Variants in NOXRED1 observed in about 807,000 individuals in gnomAD.
NOXRED1 encodes NADP dependent oxidoreductase domain containing 1.
A neutral mutation model predicts 30.4 loss-of-function variants in NOXRED1; 20 were observed. The ratio of observed to expected loss-of-function variants is 0.66; its 90% CI spans 0.46 to 0.96. The LOEUF (loss-of-function observed/expected upper bound fraction) is 0.96. Ranked by LOEUF, NOXRED1 falls within the 40% of genes least tolerant of loss-of-function variation. The pLI is 0.00. For missense variants in NOXRED1, 374 were observed against 428.0 expected (o/e 0.87, Z 1.11); for synonymous variants, 155 against 168.0 (o/e 0.92, Z 0.60).
chr14:77,410,104 G>T (rs1894607330), intron 2 of NOXRED1, among the ~76,000 whole-genome samples: 1 of 151,546 alleles, frequency 6.6e-6, no homozygotes, highest in Non-Finnish European at 1.5e-5. Context: ...TGCCCAGTTG[G>T]TAAGATTTTT....
At chr14:77,410,366 A>ACTCTATAT (rs1894618195) in intron 2 of NOXRED1, among the ~76,000 whole-genome samples, 1 of 152,134 alleles carries the variant, frequency 6.6e-6, no homozygotes, top group African/African-American at 2.4e-5. Context: ...GCACTTTGGG[A>ACTCTATAT]GGCTAAGGCA....
intron 5 of NOXRED1, among the ~76,000 whole-genome samples, chr14:77,396,815 A>C (rs896752093): frequency 5.3e-5 from 8 of 152,240 alleles, no homozygotes; most frequent in African/African-American, 1.9e-4. Flanking sequence ...TACTATATTA[A>C]TGAGTGGGAA....
intron 5 of NOXRED1, among the ~76,000 whole-genome samples, chr14:77,399,701 G>T (rs143522876): frequency 1.3e-5 from 2 of 151,916 alleles, no homozygotes; most frequent in Non-Finnish European, 2.9e-5. Context: ...AAACAAAGAC[G>T]AAAAATACAG....
At chr14:77,416,809 A>T (rs176774) in intron 1 of NOXRED1, among the ~76,000 whole-genome samples, 8 of 141,468 alleles carry the variant, frequency 5.7e-5, no homozygotes, top group African/African-American at 1.1e-4. Flanking sequence ...CCTCCCGGAC[A>T]GGGCGGCTGG....
At chr14:77,422,049 C>T (rs1895006215) in intron 1 of NOXRED1, among the ~76,000 whole-genome samples, 1 of 152,128 alleles carries the variant, frequency 6.6e-6, no homozygotes, top group South Asian at 2.1e-4. Flanking sequence ...TAAACATGTT[C>T]AATTCAAATT....
rs71452847 is a variant in NOXRED1 at position 77,406,634 on chromosome 14, CAGAGAG to C, written c.682+84_682+89del. ...ACACACACACACACACACACACACA[CAGAGAG>C]AGAGAGATTGATTTAATAAGATAGC... On this transcript the variant is annotated intron_variant, in intron 4 of 5. Transcript: ENST00000380835. 298 of 474,428 alleles carry C rather than the reference CAGAGAG, an allele frequency of 6.3e-4. 1 individual carries two copies. In the African/African-American group the frequency reaches 0.013, roughly 21 times the overall value. 29.4% of individuals were successfully genotyped at this position (474,428 alleles called of 1,614,324 possible). A position where few individuals can be genotyped will look rare whatever the true frequency, so the allele number is the denominator to read the frequency against.
At chr14:77,402,629 C>T (rs907380201) in intron 5 of NOXRED1, among the ~76,000 whole-genome samples, 3 of 151,742 alleles carry the variant, frequency 2.0e-5, no homozygotes, top group East Asian at 1.9e-4. Flanking sequence ...AGCAAACCTC[C>T]GTCTCAAAAA....
Position 77,422,843 on chromosome 14 carries a change from A to T in NOXRED1, c.47T>A (p.Val16Asp). Residue 16 changes from valine to aspartate, a missense_variant, in exon 1 of 6, where the codon GTT becomes GAT. By Grantham distance (152) the Val-to-Asp change is radical. Coordinates refer to ENST00000380835, the MANE Select transcript of NOXRED1 (RefSeq NM_001113475.3). ...CAGCCAGATACGATCTTCCTCTGGA[A>T]CCCCATACTCAAACTGCAGGGACTC... ...DLESLQFEYG[V>D]PEEDRIWLYL... 6.2e-7 allele frequency: 1 copy of T among 1,613,622 alleles called. No individual in the cohort carries two copies. Among genetic ancestry groups the T allele is most frequent in the Middle Eastern group, 1.7e-4 (1 of 6,056 alleles).
At chr14:77,425,507 G>A (rs1186145722), upstream of NOXRED1, among the ~76,000 whole-genome samples, 1 of 152,172 alleles carries the variant, frequency 6.6e-6, no homozygotes, top group African/African-American at 2.4e-5. Context: ...AATAATTTTA[G>A]TACAATCTAG....
intron 5 of NOXRED1, among the ~76,000 whole-genome samples, chr14:77,401,240 C>A (rs182192947): frequency 6.6e-6 from 1 of 151,710 alleles, no homozygotes; most frequent in South Asian, 2.1e-4. Context: ...GGCATGGTGG[C>A]GGGTGCCTGT....
At chr14:77,424,188 C>T (rs1594885156), upstream of NOXRED1, among the ~76,000 whole-genome samples, 2 of 152,210 alleles carry the variant, frequency 1.3e-5, no homozygotes, top group South Asian at 2.1e-4. Context: ...TGGTGGCTCA[C>T]GCCTGTAATC....
intron 4 of NOXRED1, 88 bp downstream of exon 4, chr14:77,406,620 CACACACACACACACAG>C (rs766112342): frequency 0.021 from 18,206 of 875,488 alleles, 265 homozygotes; most frequent in Admixed American, 0.03. Context: ...CACACACACA[CACACACACACACACAG>C]AGAGAGAGAG....
intron 2 of NOXRED1, 90 bp downstream of exon 2, chr14:77,413,844 G>T: frequency 1.2e-6 from 1 of 826,590 alleles, no homozygotes; most frequent in Non-Finnish European, 1.8e-6. Flanking sequence ...TGTATGCAAG[G>T]ATTCCTCTTT....
chr14:77,407,503 G>A lies in NOXRED1; in HGVS notation c.492C>T (p.Ser164=). The change falls in exon 3 of 6, where the codon AGC becomes AGT. Residue 164 remains serine, a synonymous_variant. Transcript: ENST00000380835. Reference sequence around the variant, plus strand: ...TGGCAGCTACAAAGCTGTACACAATGCTGGCCTTCTCAAGGCTGGTGTAAA... The same window carrying A: ...TGGCAGCTACAAAGCTGTACACAATACTGGCCTTCTCAAGGCTGGTGTAAA... ...VEIYTSLEKA[S]IVYSFVAAIP... 6.2e-7 allele frequency: 1 copy of A among 1,614,064 alleles called. No individual in the cohort carries two copies.
intron 3 of NOXRED1, 77 bp downstream of exon 3, chr14:77,407,388 G>A (rs1894496482): frequency 9.7e-7 from 1 of 1,027,490 alleles, no homozygotes; most frequent in Non-Finnish European, 1.5e-6. Flanking sequence ...AGGGGCTACA[G>A]TGGAGGTGGG....
intron 1 of NOXRED1, among the ~76,000 whole-genome samples, chr14:77,417,906 A>G (rs955614240): frequency 4.8e-5 from 7 of 144,906 alleles, no homozygotes; most frequent in African/African-American, 1.8e-4. Context: ...TTTTTTTGTA[A>G]TGACATTATT....
intron 2 of NOXRED1, among the ~76,000 whole-genome samples, chr14:77,412,877 C>T (rs1894699666): frequency 6.6e-6 from 1 of 150,960 alleles, no homozygotes; most frequent in Non-Finnish European, 1.5e-5. Flanking sequence ...AGAATACAAA[C>T]AACTGTATAC....
intron 1 of NOXRED1, among the ~76,000 whole-genome samples, chr14:77,419,808 G>C (rs1894941608): frequency 6.6e-6 from 1 of 151,906 alleles, no homozygotes; most frequent in Admixed American, 6.6e-5. Flanking sequence ...CTCCCTTCTG[G>C]CCTGTAATGT....
intron 2 of NOXRED1, among the ~76,000 whole-genome samples, chr14:77,411,774 C>T (rs986873166): frequency 6.6e-6 from 1 of 152,052 alleles, no homozygotes; most frequent in African/African-American, 2.4e-5. Context: ...ACTCTTTTAA[C>T]TGTGTGCCAT....
Sources: allele counts gnomAD v4.1 joint callset (sites outside exome capture counted in the v4.1 genomes callset), GRCh38; gene constraint gnomAD v4.1.1; transcripts MANE v1.5; gene names NCBI Gene and HGNC (gene_info 2026-07-23, HGNC 2026-07-21).